NBN: variants seen among roughly 807,000 people sequenced by gnomAD.
The protein encoded by NBN is Nijmegen breakage syndrome 1 (nibrin).
Under a neutral mutation model 90.8 loss-of-function variants are expected in NBN, and 88 were observed. The ratio of observed to expected loss-of-function variants is 0.97; its 90% confidence interval spans 0.82 to 1.16. The LOEUF (loss-of-function observed/expected upper bound fraction) is 1.16, where lower values mean the gene tolerates loss of function less well. Among genes scored for constraint, NBN ranks in the 50% most tolerant of loss-of-function variants. The pLI is 0.00. For missense variants in NBN, 894 were observed against 869.6 expected (o/e 1.03, Z -0.35); for synonymous variants, 328 against 295.1 (o/e 1.11, Z -1.14).
At chr8:89,972,039 C>CATG (rs1409165668) in intron 5 of NBN, among the ~76,000 whole-genome samples, 1 of 151,986 alleles carries the variant, frequency 6.6e-6, no homozygotes, top group South Asian at 2.1e-4. Flanking sequence ...ATTACTAACC[C>CATG]ATGATGATGA....
chr8:89,963,848 G>T (rs193142803), intron 8 of NBN, among the ~76,000 whole-genome samples: 1 of 152,070 alleles, frequency 6.6e-6, no homozygotes, highest in Non-Finnish European at 1.5e-5. Context: ...AAGGCATCAG[G>T]CTCTTTCACA....
chr8:89,958,280 C>T (rs1171934215), intron 9 of NBN, among the ~76,000 whole-genome samples: 1 of 152,148 alleles, frequency 6.6e-6, no homozygotes. Flanking sequence ...GGACTGATAC[C>T]GTGGCTGAGA....
rs918135245 is a variant in NBN at position 89,933,360 on chromosome 8, G to A, written c.*2222C>T. ...CAACTTACATTGCGTTTATTACAAT[G>A]TAATCCCAACTTAAGGAGCATCTAT... On this transcript the variant is annotated 3_prime_UTR_variant, in exon 16 of 16. Transcript: ENST00000265433. 9.2e-6 allele frequency: 2 copies of A among 217,186 alleles called. No homozygotes were observed. The highest frequency in any genetic ancestry group is 1.4e-4 in the East Asian group (2 of 14,634). 13.5% of individuals were successfully genotyped at this position (217,186 alleles called of 1,614,324 possible). A position where few individuals can be genotyped will look rare whatever the true frequency, so the allele number is the denominator to read the frequency against.
intron 7 of NBN, among the ~76,000 whole-genome samples, chr8:89,966,565 G>A (rs1811262913): frequency 6.6e-6 from 1 of 151,984 alleles, no homozygotes; most frequent in African/African-American, 2.4e-5. Flanking sequence ...AAATAAATGG[G>A]GATACCACAT....
chr8:89,971,185 C>T lies in NBN; in HGVS notation c.690G>A (p.Leu230=), dbSNP rs2129837575. Reference sequence around the variant, plus strand: ...ATAACATAATTACCTGTTTGGCATTCAAAAATATAAATGTTTTCCCTTTGA... The same window carrying T: ...ATAACATAATTACCTGTTTGGCATTTAAAAATATAAATGTTTTCCCTTTGA... The part of the protein sequence containing the change: ...QIFKGKTFIF[L]NAKQHKKLSS... The change falls in exon 6 of 16, where the codon TTG becomes TTA. Residue 230 remains leucine (L), a synonymous_variant. Coordinates refer to ENST00000265433, the MANE Select transcript of NBN (RefSeq NM_002485.5). 6.2e-7 allele frequency: 1 copy of T among 1,612,488 alleles called. No homozygotes were observed. Among genetic ancestry groups the T allele is most frequent in the Non-Finnish European group, 8.5e-7 (1 of 1,179,086 alleles).
intron 13 of NBN, among the ~76,000 whole-genome samples, chr8:89,944,098 T>C (rs1810079114): frequency 1.3e-5 from 2 of 152,194 alleles, no homozygotes; most frequent in Admixed American, 1.3e-4. Context: ...GTTTTTTGTT[T>C]GTTTTGAGAC....
chr8:89,963,719 T>C (rs900548744), intron 8 of NBN, among the ~76,000 whole-genome samples: 9 of 152,198 alleles, frequency 5.9e-5, no homozygotes, highest in Admixed American at 4.6e-4. Flanking sequence ...CAGTTACTTA[T>C]GCTAGGAAAC....
chr8:89,943,511 C>G, intron 13 of NBN, 145 bp from the exon 14 acceptor site: 3 of 838,964 alleles, frequency 3.6e-6, no homozygotes, highest in Non-Finnish European at 5.7e-6. Context: ...AGAGCAGTAA[C>G]TCTGTTCTAA....
At chr8:89,984,340 G>T in intron 1 of NBN, 185 bp downstream of exon 1, 1 of 661,740 alleles carries the variant, frequency 1.5e-6, no homozygotes, top group Non-Finnish European at 2.7e-6. Flanking sequence ...CTGAATTCCA[G>T]CTCACAGCCG....
At chr8:89,969,219 T>C (rs1811390396) in intron 7 of NBN, among the ~76,000 whole-genome samples, 1 of 152,232 alleles carries the variant, frequency 6.6e-6, no homozygotes, top group South Asian at 2.1e-4. Context: ...GCTTCAACAA[T>C]GCTAAGATTA....
At chr8:89,983,701 T>C (rs149393977) in intron 1 of NBN, among the ~76,000 whole-genome samples, 40 of 152,268 alleles carry the variant, frequency 2.6e-4, no homozygotes, top group African/African-American at 7.7e-4. Flanking sequence ...ACAGTATATA[T>C]ATTGGAGACA....
chr8:89,951,061 A>C (rs1810422871), intron 11 of NBN, among the ~76,000 whole-genome samples: 1 of 151,842 alleles, frequency 6.6e-6, no homozygotes, highest in South Asian at 2.1e-4. Flanking sequence ...AAAAAAATTA[A>C]AGTCACTTTG....
In NBN at chr8:89,980,819, A is replaced by G. The variant is rs1563579078; in HGVS notation, c.395T>C (p.Ile132Thr). The part of the protein sequence containing the change: ...VSGKTALNQA[I>T]LQLGGFTVNN... ...TACAGTAAATCCTCCAAGTTGCAATATAGCTTGATTTAAAGCAGTTTTCCC... is the reference window on the plus strand; with the variant it reads ...TACAGTAAATCCTCCAAGTTGCAATGTAGCTTGATTTAAAGCAGTTTTCCC... The change falls in exon 4 of 16, where the codon ATA (isoleucine) becomes ACA (threonine). Residue 132 changes from isoleucine to threonine, a missense_variant. Coordinates refer to ENST00000265433, the MANE Select transcript of NBN (RefSeq NM_002485.5). 1 of 1,612,980 alleles carries G rather than the reference A, an allele frequency of 6.2e-7. No individual in the cohort carries two copies. The highest frequency in any genetic ancestry group is 8.5e-7 in the Non-Finnish European group (1 of 1,179,112).
chr8:89,955,040 T>C (rs912379984), intron 10 of NBN, among the ~76,000 whole-genome samples: 2 of 152,028 alleles, frequency 1.3e-5, no homozygotes, highest in African/African-American at 4.8e-5. Context: ...TTAGTTCTTA[T>C]TGAAGAGAAT....
rs531428263 is a variant in NBN at position 89,933,926 on chromosome 8, T to A, written c.*1656A>T. 8.6e-6 allele frequency: 2 copies of A among 231,720 alleles called. No individual in the cohort carries two copies. Among genetic ancestry groups the A allele is most frequent in the South Asian group, 3.6e-4 (2 of 5,494 alleles). The allele number at this position is 231,720 out of a possible 1,614,324, so 14.4% of individuals were successfully genotyped here. ...TACAAATTAAAACCAAAATGAAACATCACTACACACCGATTGGAATGGTTA... is the reference window on the plus strand; with the variant it reads ...TACAAATTAAAACCAAAATGAAACAACACTACACACCGATTGGAATGGTTA... On this transcript the variant is annotated 3_prime_UTR_variant, in exon 16 of 16. Transcript: ENST00000265433.
chr8:89,949,113 A>G (rs1052355231), intron 11 of NBN, among the ~76,000 whole-genome samples: 1 of 152,220 alleles, frequency 6.6e-6, no homozygotes, highest in Non-Finnish European at 1.5e-5. Context: ...CAATGCCTAC[A>G]GTAATGGAAT....
In NBN at chr8:89,934,666, G is replaced by C. The variant is rs1328236779; in HGVS notation, c.*916C>G. On this transcript the variant is annotated 3_prime_UTR_variant, in exon 16 of 16. Transcript: ENST00000265433. ...AATCAGTTGTAGTGACTCTTGACTG[G>C]AACTCCCTTCTTGCTGGATCACAGG... The C allele has an allele frequency of 1.7e-5, 4 of 233,038 alleles. No individual in the cohort carries two copies. The South Asian group carries it at 5.4e-4, about 32-fold the overall frequency. 14.4% of individuals were successfully genotyped at this position (233,038 alleles called of 1,614,324 possible). A position where few individuals can be genotyped will look rare whatever the true frequency, so the allele number is the denominator to read the frequency against.
chr8:89,949,910 G>T (rs976289710), intron 11 of NBN, among the ~76,000 whole-genome samples: 1 of 152,054 alleles, frequency 6.6e-6, no homozygotes, highest in Non-Finnish European at 1.5e-5. Flanking sequence ...TGGACTTTCA[G>T]ACAAATTCTT....
At chr8:89,979,340 A>T (rs978754671) in intron 4 of NBN, among the ~76,000 whole-genome samples, 2 of 152,194 alleles carry the variant, frequency 1.3e-5, no homozygotes, top group African/African-American at 4.8e-5. Flanking sequence ...GCAGATTTAG[A>T]TTGTCTCTCA....
Sources: allele counts gnomAD v4.1 joint callset (sites outside exome capture counted in the v4.1 genomes callset), GRCh38; gene constraint gnomAD v4.1.1; transcripts MANE v1.5; gene names NCBI Gene and HGNC (gene_info 2026-07-23, HGNC 2026-07-21).